The following ERC1 variants were observed in gnomAD, a reference collection of about 807,000 sequenced individuals.
ERC1 encodes RAB6 interacting protein 2.
ERC1 carries 56 observed loss-of-function variants against 132.0 expected under a neutral mutation model. The observed-to-expected ratio is 0.42, with a 90% confidence interval of 0.34 to 0.53. ERC1 has a LOEUF of 0.53. ERC1 is among the 20% of genes least tolerant of loss of function. The pLI is 0.03. For synonymous variants in ERC1, 478 were observed against 476.1 expected (o/e 1.00, Z -0.05); for missense variants, 1,202 against 1,349.9 (o/e 0.89, Z 1.72).
chr12:1,354,700 G>A (rs7978591), intron 15 of ERC1, among the ~76,000 whole-genome samples: 10,262 of 152,248 alleles, frequency 0.067, 639 homozygotes, highest in African/African-American at 0.16. Context: ...ATCCAGGCTG[G>A]AGTGCCGAAG....
chr12:1,467,006 A>G (rs1249695914), intron 18 of ERC1, among the ~76,000 whole-genome samples: 4 of 152,264 alleles, frequency 2.6e-5, no homozygotes, highest in Non-Finnish European at 5.9e-5. Flanking sequence ...CACTAAAGAT[A>G]ACAGATCTTG....
intron 16 of ERC1, chr12:1,381,291 G>A (rs917229094): frequency 1.3e-5 from 2 of 152,126 alleles, no homozygotes; most frequent in African/African-American, 2.4e-5. Context: ...ATGCAATTCC[G>A]AGAAAAACAG....
intron 1 of ERC1, among the ~76,000 whole-genome samples, chr12:996,961 C>T (rs1961053351): frequency 6.6e-6 from 1 of 152,134 alleles, no homozygotes; most frequent in South Asian, 2.1e-4. Context: ...GTCTGTTACT[C>T]AGTCTGAAAT....
intron 15 of ERC1, among the ~76,000 whole-genome samples, chr12:1,336,852 C>CAG (rs989176083): frequency 4.0e-5 from 6 of 151,606 alleles, no homozygotes; most frequent in African/African-American, 1.5e-4. Flanking sequence ...GGCTGGAGTG[C>CAG]AGTGATACAG....
At chr12:1,356,222 G>GTGTGTGTGTGTGTA (rs1415291276) in intron 15 of ERC1, among the ~76,000 whole-genome samples, 1 of 135,226 alleles carries the variant, frequency 7.4e-6, no homozygotes, top group African/African-American at 2.7e-5. Flanking sequence ...AAGTGTGTGT[G>GTGTGTGTGTGTGTA]TGTGTGTGTG....
At chr12:1,098,403 G>A (rs137970607) in intron 3 of ERC1, among the ~76,000 whole-genome samples, 560 of 152,326 alleles carry the variant, frequency 3.7e-3, no homozygotes, top group Middle Eastern at 0.024. Flanking sequence ...AAAGGAGGTG[G>A]AAGAAAGCTA....
chr12:1,242,851 G>T (rs1324958617), intron 13 of ERC1, among the ~76,000 whole-genome samples: 2 of 152,164 alleles, frequency 1.3e-5, no homozygotes, highest in African/African-American at 4.8e-5. Flanking sequence ...AAATAATATA[G>T]TGTAACAGCT....
chr12:1,008,443 AT>A, intron 1 of ERC1, among the ~76,000 whole-genome samples: 1 of 151,932 alleles, frequency 6.6e-6, no homozygotes. Context: ...TATTTACATA[AT>A]TTTTTTTAAT....
chr12:1,405,069 G>A (rs1253214261), intron 16 of ERC1, among the ~76,000 whole-genome samples: 5 of 151,726 alleles, frequency 3.3e-5, no homozygotes, highest in Admixed American at 6.6e-5. Flanking sequence ...GAGCCCAGGA[G>A]GCAAAAGTTG....
intron 17 of ERC1, among the ~76,000 whole-genome samples, chr12:1,432,239 A>G (rs1186660733): frequency 6.6e-6 from 1 of 152,240 alleles, no homozygotes; most frequent in Non-Finnish European, 1.5e-5. Flanking sequence ...CATAGGCAAT[A>G]TGTGAATGAA....
chr12:1,398,919 C>A (rs968508617), intron 16 of ERC1, among the ~76,000 whole-genome samples: 1 of 81,752 alleles, frequency 1.2e-5, no homozygotes, highest in Non-Finnish European at 2.7e-5. Flanking sequence ...AGTTTATTTT[C>A]TTTTCTCCTA....
intron 16 of ERC1, among the ~76,000 whole-genome samples, chr12:1,389,935 T>C (rs1338731008): frequency 6.6e-6 from 1 of 152,114 alleles, no homozygotes. Flanking sequence ...AACCCTTGAG[T>C]AGGTTAATCT....
At chr12:1,265,992 G>A (rs545090703) in intron 14 of ERC1, among the ~76,000 whole-genome samples, 45 of 152,122 alleles carry the variant, frequency 3.0e-4, no homozygotes, top group Middle Eastern at 3.2e-3. Context: ...TGGCACTTAG[G>A]AACAAAGCTG....
In ERC1 at chr12:1,447,667, G is replaced by GTTTTT. The variant is rs1565459750; in HGVS notation, c.3213+2917_3213+2918insTTTTT. On this transcript the variant is annotated intron_variant, in intron 18 of 18. Transcript: ENST00000360905. The stretch of plus-strand genomic sequence containing the variant: ...TTGTTTTTGTTTTTGTTTTTGTTTT[G>GTTTTT]GAGACAGAGTCTCGCTCTGTCACCC... Among the ~76,000 whole-genome samples the GTTTTT allele has an allele frequency of 4.1e-3, 604 of 145,980 alleles. 4 individuals carry two copies. The highest frequency in any genetic ancestry group is 0.015 in the African/African-American group (567 of 37,930).
intron 2 of ERC1, among the ~76,000 whole-genome samples, chr12:1,028,903 A>C (rs113044504): frequency 2.0e-5 from 3 of 147,272 alleles, no homozygotes; most frequent in African/African-American, 7.5e-5. Flanking sequence ...CACACTCTCT[A>C]ATATCTATTA....
chr12:1,392,111 C>T (rs1239867470), intron 16 of ERC1, among the ~76,000 whole-genome samples: 1 of 151,986 alleles, frequency 6.6e-6, no homozygotes, highest in Non-Finnish European at 1.5e-5. Context: ...AGAGATTGGG[C>T]TCAACTCAGA....
At chr12:1,151,412 A>G (rs958151637) in intron 8 of ERC1, among the ~76,000 whole-genome samples, 1 of 152,232 alleles carries the variant, frequency 6.6e-6, no homozygotes, top group Non-Finnish European at 1.5e-5. Context: ...TGTGCACCCC[A>G]ATATTGAATA....
At chr12:1,125,931 C>G (rs1347900721) in intron 7 of ERC1, among the ~76,000 whole-genome samples, 3 of 152,128 alleles carry the variant, frequency 2.0e-5, no homozygotes, top group Admixed American at 1.3e-4. Context: ...CTTGTCATAC[C>G]TAGAGTCAAA....
chr12:1,310,260 C>G (rs73032722), intron 15 of ERC1, among the ~76,000 whole-genome samples: 5,255 of 124,240 alleles, frequency 0.042, 98 homozygotes, highest in Middle Eastern at 0.11. Context: ...CAGTTTTGCT[C>G]TAATCTCCCA....
Sources: allele counts gnomAD v4.1 joint callset (sites outside exome capture counted in the v4.1 genomes callset), GRCh38; gene constraint gnomAD v4.1.1; transcripts MANE v1.5; gene names NCBI Gene and HGNC (gene_info 2026-07-23, HGNC 2026-07-21).